The following USP38 variants were observed in gnomAD, a reference collection of about 807,000 sequenced individuals.
The protein encoded by USP38 is ubiquitin carboxyl-terminal hydrolase 38.
A neutral mutation model predicts 94.3 loss-of-function variants in USP38; 49 were observed. The observed-to-expected ratio is 0.52, with a 90% CI of 0.41 to 0.66. The LOEUF (loss-of-function observed/expected upper bound fraction) is 0.66, where lower values mean the gene tolerates loss of function less well. USP38 is among the 30% of genes least tolerant of loss of function. USP38 has a pLI of 0.00. For missense variants in USP38, 1,128 were observed against 1,229.4 expected (o/e 0.92, Z 1.23); for synonymous variants, 468 against 463.6 (o/e 1.01, Z -0.12).
chr4:143,203,193 G>A (rs1390775912), intron 4 of USP38, among the ~76,000 whole-genome samples: 3 of 152,074 alleles, frequency 2.0e-5, no homozygotes, highest in Non-Finnish European at 2.9e-5. Flanking sequence ...GATGAGGAGA[G>A]GGGTCATATA....
intron 2 of USP38, among the ~76,000 whole-genome samples, chr4:143,188,377 TTGAATTTTTTTTC>T (rs1731292819): frequency 6.6e-6 from 1 of 152,098 alleles, no homozygotes; most frequent in Non-Finnish European, 1.5e-5. Flanking sequence ...CTTTGCCTGT[TTGAATTTTTTTTC>T]TTTCTCAGTT....
At chr4:143,197,016 G>A (rs910595584) in intron 3 of USP38, among the ~76,000 whole-genome samples, 2 of 152,048 alleles carry the variant, frequency 1.3e-5, no homozygotes, top group African/African-American at 2.4e-5. Flanking sequence ...CAGCCTTCCT[G>A]CTCCTGTCCT....
chr4:143,201,765 A>G (rs529037352), intron 4 of USP38, among the ~76,000 whole-genome samples: 1 of 152,302 alleles, frequency 6.6e-6, no homozygotes, highest in South Asian at 2.1e-4. Flanking sequence ...CTTCTAATTA[A>G]ATAAGTTTTA....
At chr4:143,200,116 T>TA (rs2149607493) in intron 4 of USP38, among the ~76,000 whole-genome samples, 1 of 152,256 alleles carries the variant, frequency 6.6e-6, no homozygotes, top group Non-Finnish European at 1.5e-5. Context: ...ATTTAAGTCT[T>TA]ATCCTTGATG....
At chr4:143,199,395 T>C (rs1307696290) in intron 4 of USP38, among the ~76,000 whole-genome samples, 4 of 152,178 alleles carry the variant, frequency 2.6e-5, no homozygotes, top group East Asian at 1.9e-4. Context: ...CTGATGGGCA[T>C]TTAGATTGAT....
At chr4:143,208,956 GA>G (rs1205671637) in intron 6 of USP38, among the ~76,000 whole-genome samples, 2 of 148,998 alleles carry the variant, frequency 1.3e-5, no homozygotes, top group Non-Finnish European at 3.0e-5. Context: ...TTACCGGATG[GA>G]TACCCAGCTG....
Position 143,214,622 on chromosome 4 carries a change from A to G in USP38, c.2646A>G (p.Ala882=), listed in dbSNP as rs771280767. 4.3e-6 allele frequency: 7 copies of G among 1,613,712 alleles called. No individual in the cohort carries two copies. Among genetic ancestry groups the G allele is most frequent in the Non-Finnish European group, 5.9e-6 (7 of 1,179,828 alleles). The change falls in exon 9 of 10, where the codon GCA becomes GCG. Residue 882 remains alanine, a synonymous_variant. Transcript: ENST00000307017. ...TGTACCACCAGTCTGAGGCTCTGGC[A>G]TTAGCATCCTCCCAGAGTCATTTAC... ...YQMYHQSEAL[A]LASSQSHLLG...
At chr4:143,199,303 C>T (rs1419034432) in intron 4 of USP38, among the ~76,000 whole-genome samples, 4 of 152,008 alleles carry the variant, frequency 2.6e-5, no homozygotes, top group African/African-American at 7.3e-5. Flanking sequence ...TCCGTGTTCC[C>T]GCAGAAGACA....
At position 143,185,137 on chromosome 4, in the gene USP38, G is replaced by A. The variant is rs969145734; in HGVS notation, c.-314G>A. On this transcript the variant is annotated 5_prime_UTR_variant, in exon 1 of 10. Coordinates refer to ENST00000307017, the MANE Select transcript of USP38 (RefSeq NM_032557.6). ...GAGCTCCCGCCGACGCCGCTGGGGG[G>A]CCCGACAGGCCCCTCGGCGCTGATG... 3.0e-5 allele frequency: 7 copies of A among 230,770 alleles called. No individual in the cohort carries two copies. Among genetic ancestry groups the A allele is most frequent in the African/African-American group, 1.4e-4 (6 of 43,662 alleles). 14.3% of individuals were successfully genotyped at this position (230,770 alleles called of 1,614,324 possible).
At chr4:143,218,210 A>T (rs1732233252) in intron 9 of USP38, among the ~76,000 whole-genome samples, 1 of 152,044 alleles carries the variant, frequency 6.6e-6, no homozygotes, top group Non-Finnish European at 1.5e-5. Context: ...ATATATGTGC[A>T]GTTTAAAGAA....
At chr4:143,209,983 T>C (rs572904903) in intron 7 of USP38, among the ~76,000 whole-genome samples, 268 of 152,322 alleles carry the variant, frequency 1.8e-3, no homozygotes, top group Non-Finnish European at 1.4e-3. Flanking sequence ...AAGAATTATT[T>C]TTAAGTGCAT....
chr4:143,185,364 T>C lies in USP38; in HGVS notation c.-87T>C. 7.0e-7 allele frequency: 1 copy of C among 1,431,228 alleles called. No homozygotes were observed. Among genetic ancestry groups the C allele is most frequent in the South Asian group, 1.4e-5 (1 of 71,210 alleles). The allele number at this position is 1,431,228 out of a possible 1,614,324, so 88.7% of individuals were successfully genotyped here. On this transcript the variant is annotated 5_prime_UTR_variant, in exon 1 of 10. Transcript: ENST00000307017. The stretch of plus-strand genomic sequence containing the variant: ...CTGCTGCTGCGGCGCTCCAAGTTCA[T>C]CTCCGCCCCGGGGCTCTCCTGCCCC...
intron 4 of USP38, among the ~76,000 whole-genome samples, chr4:143,203,174 G>A (rs1731763553): frequency 6.6e-6 from 1 of 152,068 alleles, no homozygotes. Context: ...GTTTTAGATG[G>A]TGTGTAAGGA....
intron 9 of USP38, among the ~76,000 whole-genome samples, chr4:143,216,596 C>T (rs777995603): frequency 1.3e-5 from 2 of 151,658 alleles, no homozygotes; most frequent in Non-Finnish European, 2.9e-5. Flanking sequence ...CCTCAGCCTC[C>T]TGAGTAGCTA....
At chr4:143,200,290 T>A (rs1731674761) in intron 4 of USP38, among the ~76,000 whole-genome samples, 2 of 152,168 alleles carry the variant, frequency 1.3e-5, no homozygotes. Context: ...AACTACATGG[T>A]TATATCAATG....
chr4:143,188,709 C>T (rs1462120786), intron 2 of USP38, among the ~76,000 whole-genome samples: 1 of 152,044 alleles, frequency 6.6e-6, no homozygotes, highest in Non-Finnish European at 1.5e-5. Context: ...TTACTGAGTA[C>T]TTACCATGAG....
chr4:143,187,700 T>C, intron 1 of USP38, 126 bp from the exon 2 acceptor site: 1 of 968,684 alleles, frequency 1.0e-6, no homozygotes, highest in Non-Finnish European at 1.5e-6. Flanking sequence ...CATGAGGGTG[T>C]AGCATAATAA....
rs1396796551 is a variant in USP38 at position 143,203,569 on chromosome 4, A to T, written c.1209+3A>T. ...AACCTATTCTGGAGGCAATAAAGGT[A>T]TGATGATAGTTGTACCAATATTTGT... On this transcript the variant is annotated splice_donor_region_variant and intron_variant, in intron 5 of 9. Coordinates refer to ENST00000307017, the MANE Select transcript of USP38 (RefSeq NM_032557.6). The T allele has an allele frequency of 6.2e-7, 1 of 1,608,256 alleles. No homozygotes were observed. The highest frequency in any genetic ancestry group is 8.5e-7 in the Non-Finnish European group (1 of 1,178,326).
Position 143,214,135 on chromosome 4 carries a change from A to T in USP38, c.2159A>T (p.Asp720Val). ...GGTGAAACCACACCTTCAGTAACTG[A>T]CTTACTAAATTATTTTTTGGCTCCA... is the stretch of plus-strand genomic sequence containing the variant. ...PGGETTPSVT[D>V]LLNYFLAPEI... Residue 720 changes from aspartate (D) to valine (V), a missense_variant, in exon 9 of 10, where the codon GAC (aspartate) becomes GTC (valine). Coordinates refer to ENST00000307017, the MANE Select transcript of USP38 (RefSeq NM_032557.6). 3.1e-6 allele frequency: 5 copies of T among 1,612,840 alleles called. No individual in the cohort carries two copies. Among genetic ancestry groups the T allele is most frequent in the Non-Finnish European group, 4.2e-6 (5 of 1,179,606 alleles).
Sources: gnomAD v4.1 joint callset for allele counts (sites outside exome capture counted in the v4.1 genomes callset) on GRCh38, gnomAD v4.1.1 for gene constraint, MANE v1.5 for transcripts, NCBI Gene and HGNC (gene_info 2026-07-23, HGNC 2026-07-21) for gene names.